Variants in WDR59 observed in about 807,000 individuals in gnomAD.
WDR59 encodes WD repeat domain 59, also known as GATOR2 complex protein WDR59.
Under a neutral mutation model 131.2 loss-of-function variants are expected in WDR59, and 100 were observed. The ratio of observed to expected loss-of-function variants is 0.76; its 90% CI spans 0.65 to 0.90. The LOEUF (loss-of-function observed/expected upper bound fraction) is 0.90. Among genes scored for constraint, WDR59 ranks in the 40% least tolerant of loss-of-function variants. WDR59 has a pLI of 0.00. For missense variants in WDR59, 1,203 were observed against 1,262.2 expected (o/e 0.95, Z 0.71); for synonymous variants, 601 against 466.2 (o/e 1.29, Z -3.72).
intron 2 of WDR59, 60 bp downstream of exon 2, chr16:74,965,713 A>T (rs2033742844): frequency 6.3e-7 from 1 of 1,597,370 alleles, no homozygotes; most frequent in Non-Finnish European, 8.6e-7. Context: ...GTTCCCAGAA[A>T]CCCCGATTTG....
At chr16:74,954,245 C>T (rs1370529284) in intron 3 of WDR59, among the ~76,000 whole-genome samples, 1 of 151,780 alleles carries the variant, frequency 6.6e-6, no homozygotes, top group Non-Finnish European at 1.5e-5. Context: ...CCTGTCTCTA[C>T]TAAAAATACA....
At position 74,887,335 on chromosome 16, in the gene WDR59, C is replaced by T. The variant is rs16949329; in HGVS notation, c.2419+348G>A. 7.0e-3 allele frequency among the ~76,000 whole-genome samples: 1,063 copies of T among 152,044 alleles called. 9 individuals are homozygous for T. Among genetic ancestry groups the T allele is most frequent in the African/African-American group, 0.024 (1,006 of 41,440 alleles). On this transcript the variant is annotated intron_variant, in intron 23 of 25. Transcript: ENST00000262144. ...AGTCAGGCCCAGCTGTATTTGTCTACACTGAAAGCATTCATGGGAAGCGGT... is the reference window on the plus strand; with the variant it reads ...AGTCAGGCCCAGCTGTATTTGTCTATACTGAAAGCATTCATGGGAAGCGGT...
intron 17 of WDR59, among the ~76,000 whole-genome samples, chr16:74,907,703 C>T (rs1410090875): frequency 2.0e-5 from 3 of 152,192 alleles, no homozygotes; most frequent in African/African-American, 7.2e-5. Context: ...ATATCTTGGT[C>T]ACCAGACTGC....
chr16:74,963,010 C>T (rs566715946), intron 2 of WDR59: 1 of 152,258 alleles, frequency 6.6e-6, no homozygotes, highest in South Asian at 2.1e-4. Flanking sequence ...AATCCTAGCA[C>T]TTTGGGAGGC....
chr16:74,882,940 C>G (rs1168314554), intron 25 of WDR59, among the ~76,000 whole-genome samples: 2 of 150,952 alleles, frequency 1.3e-5, no homozygotes, highest in South Asian at 2.1e-4. Context: ...CCAGCATTCC[C>G]TGCCACTGCC....
intron 8 of WDR59, among the ~76,000 whole-genome samples, chr16:74,925,502 ACACTGCACTC>A (rs1383151598): frequency 6.7e-6 from 1 of 150,200 alleles, no homozygotes; most frequent in Non-Finnish European, 1.5e-5. Flanking sequence ...CAAGATGGCA[ACACTGCACTC>A]CAGCCTGGGC....
intron 7 of WDR59, among the ~76,000 whole-genome samples, chr16:74,941,161 C>G (rs1014342945): frequency 2.0e-5 from 3 of 149,582 alleles, no homozygotes; most frequent in African/African-American, 7.4e-5. Flanking sequence ...CTTCAGCAAC[C>G]TTGTCTCTAC....
chr16:74,923,916 G>A lies in WDR59; in HGVS notation c.729+10C>T, dbSNP rs1201370386. ...AAGTTTCTTATCAAGAGGCAGGGTG[G>A]CTCACTCACTGTGTATCTGGCCTTC... On this transcript the variant is annotated intron_variant, in intron 9 of 25. Coordinates refer to ENST00000262144, the MANE Select transcript of WDR59 (RefSeq NM_030581.4). The A allele has an allele frequency of 6.2e-7, 1 of 1,612,256 alleles. No individual in the cohort carries two copies. Among genetic ancestry groups the A allele is most frequent in the African/African-American group, 1.3e-5 (1 of 75,008 alleles).
At chr16:74,934,917 A>G (rs533625333) in intron 8 of WDR59, among the ~76,000 whole-genome samples, 5 of 152,252 alleles carry the variant, frequency 3.3e-5, no homozygotes, top group East Asian at 1.9e-4. Flanking sequence ...ACTCAAAGCT[A>G]CATGTTTCTC....
At chr16:74,949,369 A>G in intron 5 of WDR59, among the ~76,000 whole-genome samples, 1 of 139,418 alleles carries the variant, frequency 7.2e-6, no homozygotes, top group Non-Finnish European at 1.5e-5. Context: ...GGAAAGAAAG[A>G]GAGGAAGGAA....
Position 74,908,924 on chromosome 16 carries a change from T to G in WDR59, c.1696A>C (p.Thr566Pro). The change falls in exon 17 of 26, where the codon ACA (threonine) becomes CCA (proline). Residue 566 changes from threonine to proline, a missense_variant. Coordinates refer to ENST00000262144, the MANE Select transcript of WDR59 (RefSeq NM_030581.4). ...PMTMHRAVSPTEPTPRSLSAL... is the reference protein window; with the variant it reads ...PMTMHRAVSPPEPTPRSLSAL... ...CTGACTCACCTCGGAGTAGGCTCTG[T>G]GGGAGACACCGCCCGATGCATTGTC... is the stretch of plus-strand genomic sequence containing the variant. 1 of 1,614,114 alleles carries G rather than the reference T, an allele frequency of 6.2e-7. No homozygotes were observed. The highest frequency in any genetic ancestry group is 1.3e-5 in the African/African-American group (1 of 75,050).
intron 1 of WDR59, among the ~76,000 whole-genome samples, chr16:74,966,686 T>C (rs1318001799): frequency 2.0e-5 from 3 of 152,112 alleles, no homozygotes; most frequent in Admixed American, 2.0e-4. Context: ...ATATGGCAGT[T>C]GGCAATATTC....
At chr16:74,947,652 T>A (rs1306258454) in intron 6 of WDR59, among the ~76,000 whole-genome samples, 1 of 152,236 alleles carries the variant, frequency 6.6e-6, no homozygotes, top group Non-Finnish European at 1.5e-5. Flanking sequence ...CTTAGATACT[T>A]GATGATATTA....
intron 8 of WDR59, among the ~76,000 whole-genome samples, chr16:74,928,638 ATGCC>A (rs1354867589): frequency 1.3e-5 from 2 of 152,102 alleles, no homozygotes; most frequent in Non-Finnish European, 2.9e-5. Flanking sequence ...GCACTGGCTC[ATGCC>A]TGTAATCCCA....
chr16:74,967,978 G>T (rs2033841226), intron 1 of WDR59, among the ~76,000 whole-genome samples: 1 of 152,092 alleles, frequency 6.6e-6, no homozygotes, highest in African/African-American at 2.4e-5. Context: ...TAAAAGGGAA[G>T]GAAATTCTGA....
intron 5 of WDR59, 91 bp downstream of exon 5, chr16:74,949,627 C>T (rs12447476): frequency 0.055 from 61,957 of 1,122,154 alleles, 2,020 homozygotes; most frequent in Middle Eastern, 0.15. Flanking sequence ...AGGTCTGTAT[C>T]GAGGGGAAAC....
intron 6 of WDR59, among the ~76,000 whole-genome samples, chr16:74,945,932 C>G (rs1226103714): frequency 6.6e-6 from 1 of 151,820 alleles, no homozygotes; most frequent in Non-Finnish European, 1.5e-5. Flanking sequence ...ATTCTCCTGC[C>G]TCAGCCTCCC....
chr16:74,960,555 G>A (rs956421926), intron 2 of WDR59, among the ~76,000 whole-genome samples: 18 of 151,746 alleles, frequency 1.2e-4, no homozygotes, highest in Admixed American at 3.3e-4. Context: ...GATCAGCCCG[G>A]CCAACACAGC....
intron 2 of WDR59, among the ~76,000 whole-genome samples, chr16:74,960,285 C>G (rs1296137231): frequency 6.6e-6 from 1 of 150,476 alleles, no homozygotes; most frequent in African/African-American, 2.4e-5. Context: ...GAGCCGACAT[C>G]GCGCCACTGC....
Sources: gnomAD v4.1 joint callset for allele counts (sites outside exome capture counted in the v4.1 genomes callset) on GRCh38, gnomAD v4.1.1 for gene constraint, MANE v1.5 for transcripts, NCBI Gene and HGNC (gene_info 2026-07-23, HGNC 2026-07-21) for gene names.